KCNJ12: variants seen among roughly 807,000 people sequenced by gnomAD.
The protein encoded by KCNJ12 is ATP-sensitive inward rectifier potassium channel 12.
A neutral mutation model predicts 22.3 loss-of-function variants in KCNJ12; 2 were observed. The ratio of observed to expected loss-of-function variants is 0.09; its 90% CI spans 0.04 to 0.28. KCNJ12 has a LOEUF of 0.28. KCNJ12 is among the 10% of genes least tolerant of loss of function. The pLI is 1.00. For missense variants in KCNJ12, 155 were observed against 633.3 expected (o/e 0.24, Z 8.11); for synonymous variants, 117 against 261.4 (o/e 0.45, Z 5.33).
chr17:21,387,405 G>A (rs1905102802), intron 1 of KCNJ12, among the ~76,000 whole-genome samples: 1 of 126,118 alleles, frequency 7.9e-6, no homozygotes. Context: ...TCGCGCCATA[G>A]CACTCCAGCC....
At position 21,416,086 on chromosome 17, in the gene KCNJ12, G is replaced by A. The variant is rs75316385; in HGVS notation, c.744G>A (p.Gln248=). Residue 248 remains glutamine (Q), a synonymous_variant, in exon 3 of 3, where the codon CAG becomes CAA. Transcript: ENST00000583088. The stretch of plus-strand genomic sequence containing the variant: ...AGGGCGAGTACATCCCGCTGGACCA[G>A]ATCGACATCGATGTGGGCTTCGACA... The part of the protein sequence containing the change: ...TEEGEYIPLD[Q]IDIDVGFDKG... 11 of 1,610,660 alleles carry A rather than the reference G, an allele frequency of 6.8e-6. No homozygotes were observed. Among genetic ancestry groups the A allele is most frequent in the Non-Finnish European group, 7.6e-6 (9 of 1,178,560 alleles).
Position 21,400,468 on chromosome 17 carries a change from G to A in KCNJ12, c.-178-8051G>A, listed in dbSNP as rs3896629. ...TTCTCCTGGAATGTCTGTCTCCCCC[G>A]ATCTGTGAGGAGCCGGGCACAGGGC... On this transcript the variant is annotated intron_variant, in intron 1 of 2. Transcript: ENST00000583088. 3.9e-5 allele frequency among the ~76,000 whole-genome samples: 6 copies of A among 152,304 alleles called. No individual in the cohort carries two copies. In the East Asian group the frequency reaches 5.8e-4, roughly 15 times the overall value.
chr17:21,399,120 G>A (rs1300161128), intron 1 of KCNJ12, among the ~76,000 whole-genome samples: 1 of 152,188 alleles, frequency 6.6e-6, no homozygotes, highest in Non-Finnish European at 1.5e-5. Flanking sequence ...AGGTGGAAGC[G>A]GCTGCATTCA....
Position 21,415,747 on chromosome 17 carries a change from C to G in KCNJ12, c.405C>G (p.Leu135=), listed in dbSNP as rs782175050. 1.4e-5 allele frequency: 23 copies of G among 1,612,920 alleles called. No individual in the cohort carries two copies. Among genetic ancestry groups the G allele is most frequent in the Non-Finnish European group, 1.8e-5 (21 of 1,179,904 alleles). The change falls in exon 3 of 3, where the codon CTC becomes CTG. Residue 135 remains leucine, a synonymous_variant. Coordinates refer to ENST00000583088, the MANE Select transcript of KCNJ12 (RefSeq NM_021012.5). Reference sequence around the variant, plus strand: ...TGCACGGCTTCATGGCGGCCTTCCTCTTCTCCATCGAGACGCAGACCACCA... The same window carrying G: ...TGCACGGCTTCATGGCGGCCTTCCTGTTCTCCATCGAGACGCAGACCACCA... ...MQVHGFMAAF[L]FSIETQTTIG...
rs200006342 is a variant in KCNJ12 at position 21,416,479 on chromosome 17, C to T, written c.1137C>T (p.Asn379=). The change falls in exon 3 of 3, where the codon AAC becomes AAT. Residue 379 remains asparagine (N), a synonymous_variant. Transcript: ENST00000583088. ...GCGCCAACTCCTTCTGCTACGAGAA[C>T]GAGCTGGCCTTCCTGAGCCGTGACG... The part of the protein sequence containing the change: ...LPSANSFCYE[N]ELAFLSRDEE... The T allele has an allele frequency of 2.0e-4, 316 of 1,613,936 alleles. No individual in the cohort carries two copies. In the East Asian group the frequency reaches 4.6e-3, roughly 24 times the overall value.
At chr17:21,380,998 C>T (rs567758602) in intron 1 of KCNJ12, among the ~76,000 whole-genome samples, 8 of 152,342 alleles carry the variant, frequency 5.3e-5, no homozygotes, top group East Asian at 1.9e-4. Context: ...TGGGGACCCC[C>T]GCCCAGCCCT....
chr17:21,398,115 G>T (rs1216972857), intron 1 of KCNJ12, among the ~76,000 whole-genome samples: 3 of 152,058 alleles, frequency 2.0e-5, no homozygotes, highest in Admixed American at 2.0e-4. Flanking sequence ...GTGTGTGTGT[G>T]TGTGTCCATG....
intron 2 of KCNJ12, among the ~76,000 whole-genome samples, chr17:21,412,388 C>G (rs1451262458): frequency 4.6e-5 from 7 of 152,310 alleles, no homozygotes; most frequent in African/African-American, 1.7e-4. Flanking sequence ...GGAGCACATG[C>G]AGACCGGGCT....
At chr17:21,387,838 G>T (rs1905116154) in intron 1 of KCNJ12, among the ~76,000 whole-genome samples, 1 of 152,168 alleles carries the variant, frequency 6.6e-6, no homozygotes, top group Non-Finnish European at 1.5e-5. Flanking sequence ...TGCCCCACCT[G>T]TCCAAGAGAA....
chr17:21,400,576 GGGAATGAACAAGT>G (rs1330781618), intron 1 of KCNJ12, among the ~76,000 whole-genome samples: 3 of 152,308 alleles, frequency 2.0e-5, no homozygotes, highest in Non-Finnish European at 2.9e-5. Context: ...GGAATGAACG[GGGAATGAACAAGT>G]GGCTGGATGG....
chr17:21,413,040 C>T (rs1276193987), intron 2 of KCNJ12, among the ~76,000 whole-genome samples: 1 of 145,576 alleles, frequency 6.9e-6, no homozygotes, highest in African/African-American at 2.4e-5. Flanking sequence ...CCAGCGGGCT[C>T]GGGGCTAAGC....
chr17:21,385,156 G>C (rs1438053203), intron 1 of KCNJ12, among the ~76,000 whole-genome samples: 1 of 152,162 alleles, frequency 6.6e-6, no homozygotes, highest in Non-Finnish European at 1.5e-5. Context: ...AACCTGGCCT[G>C]AGATGCATCA....
At chr17:21,392,310 G>A (rs1272105114) in intron 1 of KCNJ12, among the ~76,000 whole-genome samples, 2 of 152,254 alleles carry the variant, frequency 1.3e-5, no homozygotes, top group Admixed American at 6.5e-5. Flanking sequence ...GTGCTCACTT[G>A]TGGGTCATGG....
intron 1 of KCNJ12, among the ~76,000 whole-genome samples, chr17:21,378,501 G>A (rs1393597777): frequency 6.6e-6 from 1 of 152,160 alleles, no homozygotes; most frequent in Non-Finnish European, 1.5e-5. Flanking sequence ...CTGCCATTTG[G>A]TGGGGCCAAG....
intron 1 of KCNJ12, among the ~76,000 whole-genome samples, chr17:21,380,707 C>G (rs1904834461): frequency 6.6e-6 from 1 of 152,180 alleles, no homozygotes; most frequent in African/African-American, 2.4e-5. Context: ...GCCTGGGGAA[C>G]TCGTCATTTC....
intron 1 of KCNJ12, among the ~76,000 whole-genome samples, chr17:21,405,690 C>G (rs1417650903): frequency 1.6e-4 from 24 of 152,288 alleles, no homozygotes; most frequent in Non-Finnish European, 4.4e-5. Flanking sequence ...GGAAGCACTG[C>G]CCCTGCAGCC....
chr17:21,405,756 C>T (rs1313721824), intron 1 of KCNJ12, among the ~76,000 whole-genome samples: 4 of 152,280 alleles, frequency 2.6e-5, no homozygotes, highest in Non-Finnish European at 5.9e-5. Flanking sequence ...TGGGACTTGG[C>T]GGGGTGAGCT....
chr17:21,397,160 C>T (rs1303916993), intron 1 of KCNJ12, among the ~76,000 whole-genome samples: 1 of 152,198 alleles, frequency 6.6e-6, no homozygotes, highest in Non-Finnish European at 1.5e-5. Flanking sequence ...GCTGTTTGGC[C>T]TTGGGTAAGA....
chr17:21,382,264 C>T (rs187095026), intron 1 of KCNJ12, among the ~76,000 whole-genome samples: 98 of 152,358 alleles, frequency 6.4e-4, no homozygotes, highest in African/African-American at 2.1e-3. Flanking sequence ...GATCACAAGC[C>T]GTTCCCATTG....
Sources: allele counts gnomAD v4.1 joint callset (sites outside exome capture counted in the v4.1 genomes callset), GRCh38; gene constraint gnomAD v4.1.1; transcripts MANE v1.5; gene names NCBI Gene and HGNC (gene_info 2026-07-23, HGNC 2026-07-21).